DNAH11: variants seen among roughly 807,000 people sequenced by gnomAD.
DNAH11 encodes the protein axonemal beta dynein heavy chain 11.
In DNAH11, 442 loss-of-function variants were observed where a neutral mutation model predicts 526.0. The observed-to-expected ratio is 0.84, with a 90% CI of 0.78 to 0.91. DNAH11 has a LOEUF of 0.91. DNAH11 is among the 40% of genes least tolerant of loss of function. The probability of loss-of-function intolerance (pLI) is 0.00; values close to 1 mark genes in which losing one functional copy is unlikely to be tolerated. For missense variants in DNAH11, 6,989 were observed against 5,448.7 expected (o/e 1.28, Z -8.90); for synonymous variants, 2,461 against 1,935.9 (o/e 1.27, Z -7.12).
intron 25 of DNAH11, among the ~76,000 whole-genome samples, chr7:21,626,565 A>G (rs997493096): frequency 1.2e-4 from 19 of 152,208 alleles, no homozygotes; most frequent in African/African-American, 4.6e-4. Flanking sequence ...ATTTCTACCA[A>G]CAGTGTACAA....
chr7:21,889,517 A>G (rs1362244632), intron 76 of DNAH11, among the ~76,000 whole-genome samples: 1 of 152,300 alleles, frequency 6.6e-6, no homozygotes, highest in East Asian at 1.9e-4. Flanking sequence ...CCCTTCAGCA[A>G]TGTATGACAG....
rs192951413 is a variant in DNAH11, at chr7:21,857,773, A to G, written c.11202+3318A>G. 1.4e-4 allele frequency among the ~76,000 whole-genome samples: 22 copies of G among 152,318 alleles called. 1 individual carries two copies. The East Asian group carries it at 2.7e-3, about 19-fold the overall frequency. On this transcript the variant is annotated intron_variant, in intron 68 of 81. Transcript: ENST00000409508. The stretch of plus-strand genomic sequence containing the variant: ...ATGGTGCTGGAGCAATTGGATATCC[A>G]CATGACATAAAATAAACCTCAAACT...
intron 45 of DNAH11, among the ~76,000 whole-genome samples, chr7:21,734,443 T>A (rs1029028192): frequency 6.6e-6 from 1 of 152,034 alleles, no homozygotes; most frequent in East Asian, 1.9e-4. Flanking sequence ...TTTTAAAGAG[T>A]TGTCTAGGAC....
At chr7:21,730,239 G>T (rs1281229951) in intron 45 of DNAH11, among the ~76,000 whole-genome samples, 1 of 152,176 alleles carries the variant, frequency 6.6e-6, no homozygotes, top group Non-Finnish European at 1.5e-5. Context: ...GTGTCCATCA[G>T]TGGATGAACA....
chr7:21,554,536 A>G (rs986664662), intron 2 of DNAH11, among the ~76,000 whole-genome samples: 1 of 151,980 alleles, frequency 6.6e-6, no homozygotes, highest in African/African-American at 2.4e-5. Flanking sequence ...AGCTGGCAAG[A>G]CGTCTTGCCC....
intron 30 of DNAH11, among the ~76,000 whole-genome samples, chr7:21,675,766 G>C (rs913377163): frequency 1.1e-4 from 16 of 152,196 alleles, no homozygotes; most frequent in Admixed American, 5.2e-4. Flanking sequence ...GAATGAGACA[G>C]ATGTGGGCCT....
At chr7:21,594,973 C>G (rs921806835) in intron 14 of DNAH11, among the ~76,000 whole-genome samples, 2 of 152,128 alleles carry the variant, frequency 1.3e-5, no homozygotes, top group African/African-American at 4.8e-5. Context: ...TGTTGAGACC[C>G]TCTGTAGGGA....
At chr7:21,748,078 AG>A (rs1215727856) in intron 51 of DNAH11, among the ~76,000 whole-genome samples, 1 of 152,236 alleles carries the variant, frequency 6.6e-6, no homozygotes, top group African/African-American at 2.4e-5. Context: ...TTCAAGGGTT[AG>A]GGTGAAGGTA....
chr7:21,819,315 A>G (rs1454681389), intron 65 of DNAH11, among the ~76,000 whole-genome samples: 1 of 152,180 alleles, frequency 6.6e-6, no homozygotes, highest in Non-Finnish European at 1.5e-5. Context: ...CATCAGGGTG[A>G]CTAACTTCTT....
Position 21,617,730 on chromosome 7 carries a change from C to T in DNAH11, c.4207C>T (p.Pro1403Ser). ...SLRAITELQSPALRDRHWHQL... is the reference protein window; with the variant it reads ...SLRAITELQSSALRDRHWHQL... Reference sequence around the variant, plus strand: ...GAGGGCCATCACAGAGTTACAGAGCCCTGCCCTCAGGGACAGGCATTGGCA... The same window carrying T: ...GAGGGCCATCACAGAGTTACAGAGCTCTGCCCTCAGGGACAGGCATTGGCA... The change falls in exon 23 of 82, where the codon CCT (proline) becomes TCT (serine). Residue 1403 changes from proline (P) to serine (S), a missense_variant. Pro to Ser is a moderately conservative substitution (Grantham distance 74, BLOSUM62 -1). Coordinates refer to ENST00000409508, the MANE Select transcript of DNAH11 (RefSeq NM_001277115.2). 1.2e-6 allele frequency: 2 copies of T among 1,611,570 alleles called. No individual in the cohort carries two copies. Among genetic ancestry groups the T allele is most frequent in the East Asian group, 2.2e-5 (1 of 44,860 alleles).
chr7:21,813,551 C>G (rs939763276), intron 63 of DNAH11, among the ~76,000 whole-genome samples: 1 of 152,206 alleles, frequency 6.6e-6, no homozygotes, highest in Non-Finnish European at 1.5e-5. Flanking sequence ...CAGGAAATTA[C>G]CCTTTTTTCT....
At chr7:21,872,138 A>AAAACAAACAAAC (rs1554291070) in intron 73 of DNAH11, among the ~76,000 whole-genome samples, 14 of 129,002 alleles carry the variant, frequency 1.1e-4, no homozygotes, top group Non-Finnish European at 9.5e-5. Context: ...AAAAAAAAAA[A>AAAACAAACAAAC]AAAAAAAAAA....
intron 65 of DNAH11, among the ~76,000 whole-genome samples, chr7:21,834,280 A>G (rs1562573672): frequency 6.6e-6 from 1 of 152,206 alleles, no homozygotes; most frequent in African/African-American, 2.4e-5. Context: ...GAAAAAGGAA[A>G]TTAAAATAGA....
rs1251160805 is a variant in DNAH11, at chr7:21,619,007, T to TATTTTAG, written c.4255-92_4255-86dup. The TATTTTAG allele has an allele frequency of 3.5e-5, 53 of 1,503,018 alleles. 2 individuals are homozygous for TATTTTAG. Among genetic ancestry groups the TATTTTAG allele is most frequent in the Admixed American group, 2.1e-4 (12 of 56,118 alleles). 93.1% of individuals were successfully genotyped at this position (1,503,018 alleles called of 1,614,324 possible). The stretch of plus-strand genomic sequence containing the variant: ...ATGTACTCAGCACCTGACTTGAGTA[T>TATTTTAG]ATTTTAGTTAAGATTCATTTCACCA... On this transcript the variant is annotated intron_variant, in intron 23 of 81. Transcript: ENST00000409508.
intron 55 of DNAH11, among the ~76,000 whole-genome samples, chr7:21,766,918 C>T (rs895451555): frequency 1.3e-5 from 2 of 152,174 alleles, no homozygotes; most frequent in African/African-American, 4.8e-5. Flanking sequence ...TTAGGATATT[C>T]ATATACCTCC....
intron 45 of DNAH11, among the ~76,000 whole-genome samples, chr7:21,731,670 C>T (rs576139903): frequency 5.9e-5 from 9 of 152,314 alleles, no homozygotes; most frequent in Admixed American, 2.0e-4. Flanking sequence ...GTTTGGTCAA[C>T]ATTGGTCCAA....
intron 30 of DNAH11, among the ~76,000 whole-genome samples, chr7:21,672,112 G>A (rs1033297004): frequency 6.6e-6 from 1 of 152,150 alleles, no homozygotes; most frequent in African/African-American, 2.4e-5. Flanking sequence ...ATTGCTGAAG[G>A]TGAAACTGGT....
chr7:21,866,364 T>G, intron 70 of DNAH11, 106 bp from the exon 71 acceptor site: 1 of 1,017,514 alleles, frequency 9.8e-7, no homozygotes, highest in Non-Finnish European at 1.4e-6. Context: ...GTGAATACTA[T>G]CCAGCACAGT....
At chr7:21,875,422 T>A (rs1449831711) in intron 74 of DNAH11, among the ~76,000 whole-genome samples, 1 of 152,152 alleles carries the variant, frequency 6.6e-6, no homozygotes, top group African/African-American at 2.4e-5. Context: ...CGTTTGTTTG[T>A]TTTGTTTTTT....
Sources: allele counts gnomAD v4.1 joint callset (sites outside exome capture counted in the v4.1 genomes callset), GRCh38; gene constraint gnomAD v4.1.1; transcripts MANE v1.5; gene names NCBI Gene and HGNC (gene_info 2026-07-23, HGNC 2026-07-21).